The following GTF3C5 variants were observed in gnomAD, a reference collection of about 807,000 sequenced individuals.
GTF3C5 encodes the protein general transcription factor 3C polypeptide 5.
In GTF3C5, 47 loss-of-function variants were observed where a neutral mutation model predicts 61.0. The observed-to-expected ratio is 0.77, with a 90% confidence interval of 0.61 to 0.98. The LOEUF (loss-of-function observed/expected upper bound fraction) is 0.98. Among genes scored for constraint, GTF3C5 ranks in the 50% least tolerant of loss-of-function variants. The pLI is 0.00. For synonymous variants in GTF3C5, 295 were observed against 275.4 expected (o/e 1.07, Z -0.71); for missense variants, 659 against 703.3 (o/e 0.94, Z 0.71).
At chr9:133,051,632 C>T (rs1850379853) in intron 4 of GTF3C5, among the ~76,000 whole-genome samples, 1 of 152,200 alleles carries the variant, frequency 6.6e-6, no homozygotes, top group South Asian at 2.1e-4. Context: ...ACACTCCGGC[C>T]ACACTGACCT....
chr9:133,035,130 T>C (rs1216036568), intron 1 of GTF3C5, among the ~76,000 whole-genome samples: 1 of 152,174 alleles, frequency 6.6e-6, no homozygotes, highest in Non-Finnish European at 1.5e-5. Flanking sequence ...TGCAGTGAAA[T>C]GAGTCCCATT....
chr9:133,055,257 A>T (rs1417485580), intron 8 of GTF3C5: 3 of 1,464,706 alleles, frequency 2.0e-6, no homozygotes, highest in African/African-American at 1.4e-5. Flanking sequence ...GGCGGTTTCC[A>T]GAGCTGTTCC....
intron 3 of GTF3C5, among the ~76,000 whole-genome samples, chr9:133,048,273 G>A (rs1245661370): frequency 1.3e-5 from 2 of 152,246 alleles, no homozygotes; most frequent in Non-Finnish European, 2.9e-5. Context: ...CGAGGCGGGT[G>A]GATCACCTGA....
chr9:133,035,306 C>G (rs1849835577), intron 1 of GTF3C5, among the ~76,000 whole-genome samples: 1 of 152,192 alleles, frequency 6.6e-6, no homozygotes, highest in Admixed American at 6.5e-5. Context: ...CGACTGGGGG[C>G]ATTTCGGTGT....
In GTF3C5 at chr9:133,054,694, G is replaced by A; in HGVS notation, c.1070-18G>A. The A allele has an allele frequency of 6.4e-7, 1 of 1,554,048 alleles. No homozygotes were observed. The highest frequency in any genetic ancestry group is 1.2e-5 in the South Asian group (1 of 84,386). ...CCCCACCCTGCACATTCCAAGCACT[G>A]CTGTTGTCCCCACGCAGCCAGCCAG... On this transcript the variant is annotated intron_variant, in intron 7 of 10. Coordinates refer to ENST00000372097, the MANE Select transcript of GTF3C5 (RefSeq NM_012087.4).
Position 133,042,135 on chromosome 9 carries a change from G to A in GTF3C5, c.202G>A (p.Asp68Asn), listed in dbSNP as rs1234519542. 4.3e-6 allele frequency: 7 copies of A among 1,613,984 alleles called. No individual in the cohort carries two copies. The highest frequency in any genetic ancestry group is 5.9e-6 in the Non-Finnish European group (7 of 1,179,992). The change falls in exon 2 of 11, where the codon GAC (aspartate) becomes AAC (asparagine). Residue 68 changes from aspartate (D) to asparagine (N), a missense_variant. Transcript: ENST00000372097. ...GCTGGAGCTGTACTTCCGGCCCAAGGACCCATACTGCCACCCAGTGTGCGC... is the reference window on the plus strand; with the variant it reads ...GCTGGAGCTGTACTTCCGGCCCAAGAACCCATACTGCCACCCAGTGTGCGC... ...KRLELYFRPK[D>N]PYCHPVCANR...
intron 1 of GTF3C5, among the ~76,000 whole-genome samples, chr9:133,041,439 A>G (rs1850035314): frequency 6.6e-6 from 1 of 152,124 alleles, no homozygotes; most frequent in African/African-American, 2.4e-5. Context: ...GATATGCAGA[A>G]GTAATGGCAT....
chr9:133,036,671 A>G (rs558233746), intron 1 of GTF3C5, among the ~76,000 whole-genome samples: 70 of 152,292 alleles, frequency 4.6e-4, no homozygotes, highest in Middle Eastern at 3.4e-3. Context: ...TCAGAGGTCC[A>G]CAGAAGAGGG....
intron 1 of GTF3C5, among the ~76,000 whole-genome samples, chr9:133,031,743 T>C (rs2118960332): frequency 6.6e-6 from 1 of 152,320 alleles, no homozygotes; most frequent in South Asian, 2.1e-4. Context: ...TCTCTACTGC[T>C]GTGTCTTTCC....
At chr9:133,055,094 C>T in intron 8 of GTF3C5, 1 of 1,550,506 alleles carries the variant, frequency 6.4e-7, no homozygotes, top group Non-Finnish European at 8.7e-7. Context: ...CCTTTGGGAG[C>T]CTGGGCCCCC....
chr9:133,037,441 G>T (rs544681668), intron 1 of GTF3C5, among the ~76,000 whole-genome samples: 58 of 152,196 alleles, frequency 3.8e-4, no homozygotes, highest in African/African-American at 7.0e-4. Flanking sequence ...TAGGTTTTAG[G>T]CCTATTCTGC....
rs775619624 is a variant in GTF3C5, at chr9:133,053,784, G to A, written c.874-44G>A. ...TAGGCTCTGGCCCGTCCAGGGACCT[G>A]GGCCTTCACCTCACCTCACATTTTC... On this transcript the variant is annotated intron_variant, in intron 5 of 10. Transcript: ENST00000372097. The A allele has an allele frequency of 3.9e-6, 5 of 1,291,340 alleles. No homozygotes were observed. The East Asian group carries it at 7.0e-5, about 18-fold the overall frequency. The allele number at this position is 1,291,340 out of a possible 1,614,324, so 80.0% of individuals were successfully genotyped here.
chr9:133,056,907 T>C lies in GTF3C5; in HGVS notation c.1392T>C (p.Pro464=). 1 of 1,596,586 alleles carries C rather than the reference T, an allele frequency of 6.3e-7. No individual in the cohort carries two copies. The highest frequency in any genetic ancestry group is 8.5e-7 in the Non-Finnish European group (1 of 1,171,284). Residue 464 remains proline, a splice_region_variant and synonymous_variant, in exon 10 of 11, where the codon CCT becomes CCC. Transcript: ENST00000372097. ...MIRQTIRSKR[P]ALFSSSAKAD... ...GGCAGACCATCCGCTCCAAGAGGCCTGGTAAGAGCCGCTTGGGGTAAAGGG... is the reference window on the plus strand; with the variant it reads ...GGCAGACCATCCGCTCCAAGAGGCCCGGTAAGAGCCGCTTGGGGTAAAGGG...
Position 133,053,817 on chromosome 9 carries a change from T to A in GTF3C5, c.874-11T>A. On this transcript the variant is annotated splice_polypyrimidine_tract_variant and intron_variant, in intron 5 of 10. Coordinates refer to ENST00000372097, the MANE Select transcript of GTF3C5 (RefSeq NM_012087.4). Reference sequence around the variant, plus strand: ...ACCTCACCTCACATTTTCCCCACTTTTCTGTCCCAGATAACAGGCCCCTGG... The same window carrying A: ...ACCTCACCTCACATTTTCCCCACTTATCTGTCCCAGATAACAGGCCCCTGG... 6.3e-7 allele frequency: 1 copy of A among 1,581,732 alleles called. No individual in the cohort carries two copies. Among genetic ancestry groups the A allele is most frequent in the Non-Finnish European group, 8.7e-7 (1 of 1,154,240 alleles).
In GTF3C5 at chr9:133,032,646, G is replaced by A. The variant is rs189578439; in HGVS notation, c.153+1482G>A. 1.0e-3 allele frequency among the ~76,000 whole-genome samples: 157 copies of A among 152,262 alleles called. No individual in the cohort carries two copies. The South Asian group carries it at 0.01, about 10-fold the overall frequency. The stretch of plus-strand genomic sequence containing the variant: ...AAGTAGAAGTTTGTCTGAATAAGGC[G>A]GGGGGAAATTGGAGGTTAGTGAGAG... On this transcript the variant is annotated intron_variant, in intron 1 of 10. Coordinates refer to ENST00000372097, the MANE Select transcript of GTF3C5 (RefSeq NM_012087.4).
chr9:133,031,491 A>G (rs932651637), intron 1 of GTF3C5, among the ~76,000 whole-genome samples: 2 of 152,082 alleles, frequency 1.3e-5, no homozygotes, highest in South Asian at 4.1e-4. Context: ...AGCTGGGATT[A>G]CAGGCGCATG....
chr9:133,033,895 G>T (rs1285038115), intron 1 of GTF3C5, among the ~76,000 whole-genome samples: 3 of 152,166 alleles, frequency 2.0e-5, no homozygotes, highest in Non-Finnish European at 1.5e-5. Flanking sequence ...CTGGGTCGTT[G>T]TGGAGACCGG....
intron 3 of GTF3C5, among the ~76,000 whole-genome samples, chr9:133,048,245 C>A (rs1205462095): frequency 2.0e-5 from 3 of 152,180 alleles, no homozygotes; most frequent in African/African-American, 7.2e-5. Flanking sequence ...CACCTATAAT[C>A]CCAGCACTTT....
chr9:133,054,853 C>G (rs1280649448), intron 8 of GTF3C5, 44 bp downstream of exon 8: 1 of 1,543,268 alleles, frequency 6.5e-7, no homozygotes, highest in Non-Finnish European at 8.8e-7. Flanking sequence ...GGACTTCCCT[C>G]TTGGGGCCGG....
Sources: gnomAD v4.1 joint callset for allele counts (sites outside exome capture counted in the v4.1 genomes callset) on GRCh38, gnomAD v4.1.1 for gene constraint, MANE v1.5 for transcripts, NCBI Gene and HGNC (gene_info 2026-07-23, HGNC 2026-07-21) for gene names.